Variants in ATP8A2 observed in about 807,000 individuals in gnomAD.
ATP8A2 encodes the protein ATPase phospholipid transporting 8A2.
A neutral mutation model predicts 165.6 loss-of-function variants in ATP8A2; 100 were observed. The ratio of observed to expected loss-of-function variants is 0.60; its 90% CI spans 0.51 to 0.71. The LOEUF is 0.71. Ranked by LOEUF, ATP8A2 falls within the 30% of genes least tolerant of loss-of-function variation. The pLI is 0.00. For missense variants in ATP8A2, 1,227 were observed against 1,479.5 expected (o/e 0.83, Z 2.80); for synonymous variants, 543 against 548.8 (o/e 0.99, Z 0.15).
chr13:25,386,380 C>T (rs868576377), intron 1 of ATP8A2, among the ~76,000 whole-genome samples: 8 of 152,170 alleles, frequency 5.3e-5, no homozygotes, highest in Admixed American at 3.3e-4. Flanking sequence ...ACCAACCTCT[C>T]CACCCCTACC....
intron 1 of ATP8A2, among the ~76,000 whole-genome samples, chr13:25,459,996 GT>G (rs1955124769): frequency 6.6e-6 from 1 of 152,160 alleles, no homozygotes; most frequent in Non-Finnish European, 1.5e-5. Context: ...GAGGTCAGGA[GT>G]TCAATACTAG....
intron 1 of ATP8A2, among the ~76,000 whole-genome samples, chr13:25,460,644 A>C (rs2035479805): frequency 6.6e-6 from 1 of 152,236 alleles, no homozygotes. Flanking sequence ...ACAGAAGCCC[A>C]GTGTATATTG....
chr13:25,990,226 A>C (rs1956359228), intron 35 of ATP8A2, among the ~76,000 whole-genome samples: 2 of 147,906 alleles, frequency 1.4e-5, no homozygotes, highest in South Asian at 4.3e-4. Flanking sequence ...TCCACTGTGC[A>C]CCAGGCACTG....
intron 32 of ATP8A2, among the ~76,000 whole-genome samples, chr13:25,861,335 G>T (rs1308361650): frequency 1.3e-5 from 2 of 152,012 alleles, no homozygotes; most frequent in Admixed American, 1.3e-4. Context: ...TATATATTAG[G>T]CACATTTTCT....
chr13:25,682,756 G>A (rs551309373), intron 24 of ATP8A2, among the ~76,000 whole-genome samples: 1 of 152,086 alleles, frequency 6.6e-6, no homozygotes, highest in Non-Finnish European at 1.5e-5. Flanking sequence ...CAACATTAAA[G>A]CATCCCCTGA....
chr13:25,677,618 G>A (rs187852583), intron 24 of ATP8A2, among the ~76,000 whole-genome samples: 1 of 152,304 alleles, frequency 6.6e-6, no homozygotes, highest in Non-Finnish European at 1.5e-5. Flanking sequence ...AGATTAATTT[G>A]AGGAGTATAG....
rs2765749 is a variant in ATP8A2, at chr13:25,926,340, T to G, written c.3184-35235T>G. On this transcript the variant is annotated intron_variant, in intron 33 of 36. Coordinates refer to ENST00000381655, the MANE Select transcript of ATP8A2 (RefSeq NM_016529.6). ...GCCCCTCCCCTGTCACCACATCAACTCCTACACATCTTTCAGGCATCCAGG... is the reference window on the plus strand; with the variant it reads ...GCCCCTCCCCTGTCACCACATCAACGCCTACACATCTTTCAGGCATCCAGG... Among the ~76,000 whole-genome samples, 1,403 of 152,190 alleles carry G rather than the reference T, an allele frequency of 9.2e-3. 16 individuals carry two copies. The highest frequency in any genetic ancestry group is 0.032 in the African/African-American group (1,324 of 41,516).
chr13:25,951,555 G>A (rs563736246), intron 33 of ATP8A2, among the ~76,000 whole-genome samples: 1 of 152,332 alleles, frequency 6.6e-6, no homozygotes, highest in South Asian at 2.1e-4. Context: ...TTTGTTTTGG[G>A]TGGTAGGTAG....
At chr13:25,399,546 C>A (rs2033555118) in intron 1 of ATP8A2, among the ~76,000 whole-genome samples, 1 of 89,542 alleles carries the variant, frequency 1.1e-5, no homozygotes, top group Non-Finnish European at 2.4e-5. Flanking sequence ...CTACAGGAGC[C>A]CGCCACCACG....
intron 16 of ATP8A2, among the ~76,000 whole-genome samples, chr13:25,565,971 A>G (rs1055800930): frequency 3.3e-5 from 5 of 152,126 alleles, no homozygotes; most frequent in Non-Finnish European, 7.4e-5. Context: ...TTCTGAAAAA[A>G]TTTCTAGATT....
intron 1 of ATP8A2, among the ~76,000 whole-genome samples, chr13:25,380,881 C>A (rs1471655733): frequency 1.3e-5 from 2 of 152,082 alleles, no homozygotes; most frequent in Non-Finnish European, 2.9e-5. Context: ...TTTGGATTCC[C>A]CAAGTATTAA....
At chr13:25,591,237 C>A in intron 24 of ATP8A2, 1 of 456,348 alleles carries the variant, frequency 2.2e-6, no homozygotes, top group East Asian at 7.0e-5. Flanking sequence ...GTAACCATCA[C>A]CACTATCCAT....
At chr13:25,579,763 G>A (rs1163870493) in intron 21 of ATP8A2, 45 bp from the exon 22 acceptor site, 1 of 1,605,834 alleles carries the variant, frequency 6.2e-7, no homozygotes, top group Non-Finnish European at 8.5e-7. Flanking sequence ...CCCCTAGGAG[G>A]TCACGCGTTC....
chr13:25,618,267 A>G (rs2137439452), intron 24 of ATP8A2, among the ~76,000 whole-genome samples: 1 of 152,238 alleles, frequency 6.6e-6, no homozygotes, highest in Admixed American at 6.5e-5. Context: ...ACAGGTTAGG[A>G]GTGCGTGTTT....
At chr13:25,949,744 G>T (rs1485853230) in intron 33 of ATP8A2, among the ~76,000 whole-genome samples, 1 of 152,182 alleles carries the variant, frequency 6.6e-6, no homozygotes, top group Non-Finnish European at 1.5e-5. Flanking sequence ...GACTGCACGT[G>T]TGTCTTCAGT....
chr13:25,775,310 C>G (rs1160256549), intron 27 of ATP8A2, among the ~76,000 whole-genome samples: 1 of 152,170 alleles, frequency 6.6e-6, no homozygotes, highest in Non-Finnish European at 1.5e-5. Context: ...GGGTCAGATC[C>G]TATCAGCAGA....
intron 18 of ATP8A2, chr13:25,571,904 T>G: frequency 1.7e-6 from 1 of 581,304 alleles, no homozygotes; most frequent in African/African-American, 1.8e-5. Context: ...CTTTTCCACA[T>G]GTCTTTCATA....
At chr13:25,434,098 G>T (rs1424735754) in intron 1 of ATP8A2, among the ~76,000 whole-genome samples, 1 of 151,860 alleles carries the variant, frequency 6.6e-6, no homozygotes, top group Non-Finnish European at 1.5e-5. Context: ...ACAAGCACAT[G>T]TACCCCCGAA....
At chr13:25,600,258 A>C (rs889715212) in intron 24 of ATP8A2, among the ~76,000 whole-genome samples, 7 of 152,294 alleles carry the variant, frequency 4.6e-5, no homozygotes, top group Middle Eastern at 6.8e-3. Context: ...AGAAGCAAAC[A>C]AGAAGGAGCA....
Sources: allele counts gnomAD v4.1 joint callset (sites outside exome capture counted in the v4.1 genomes callset), GRCh38; gene constraint gnomAD v4.1.1; transcripts MANE v1.5; gene names NCBI Gene and HGNC (gene_info 2026-07-23, HGNC 2026-07-21).